UNC79: variants seen among roughly 807,000 people sequenced by gnomAD.
UNC79 encodes the protein unc-79 subunit of NALCN channel complex.
Under a neutral mutation model 283.1 loss-of-function variants are expected in UNC79, and 37 were observed. The observed-to-expected ratio is 0.13, with a 90% CI of 0.10 to 0.17. UNC79 has a LOEUF of 0.17. Among genes scored for constraint, UNC79 ranks in the 10% least tolerant of loss-of-function variants. The probability of loss-of-function intolerance (pLI) is 1.00; values close to 1 mark genes in which losing one functional copy is unlikely to be tolerated. For synonymous variants in UNC79, 1,107 were observed against 1,200.2 expected, an observed-to-expected ratio of 0.92 and a Z score of 1.61; for missense variants, 2,272 against 3,211.1, an observed-to-expected ratio of 0.71 and a Z score of 7.07.
chr14:93,415,580 G>A (rs1595448032), intron 1 of UNC79, among the ~76,000 whole-genome samples: 1 of 152,010 alleles, frequency 6.6e-6, no homozygotes, highest in Non-Finnish European at 1.5e-5. Context: ...GATTGGAATA[G>A]TTTCAGAAGG....
At chr14:93,614,650 A>AAG (rs1231244477) in intron 27 of UNC79, among the ~76,000 whole-genome samples, 1 of 152,004 alleles carries the variant, frequency 6.6e-6, no homozygotes, top group African/African-American at 2.4e-5. Flanking sequence ...AAAAAAAAAA[A>AAG]AAATCCTCTT....
At chr14:93,529,592 A>G (rs1484041046) in intron 10 of UNC79, among the ~76,000 whole-genome samples, 1 of 152,224 alleles carries the variant, frequency 6.6e-6, no homozygotes, top group Non-Finnish European at 1.5e-5. Flanking sequence ...CTGCCAAATT[A>G]TGTCTTCAGG....
At chr14:93,508,600 C>A (rs2059664328) in intron 7 of UNC79, among the ~76,000 whole-genome samples, 1 of 151,914 alleles carries the variant, frequency 6.6e-6, no homozygotes, top group African/African-American at 2.4e-5. Flanking sequence ...TCTTACATTT[C>A]TTTTGTTAAA....
At chr14:93,465,031 G>C (rs995663352) in intron 1 of UNC79, among the ~76,000 whole-genome samples, 2 of 152,120 alleles carry the variant, frequency 1.3e-5, no homozygotes, top group African/African-American at 4.8e-5. Context: ...AAATTGGCTT[G>C]AACATTTTTT....
intron 9 of UNC79, 121 bp from the exon 10 acceptor site, chr14:93,529,165 C>T: frequency 1.1e-6 from 1 of 898,840 alleles, no homozygotes. Flanking sequence ...TATGATAGTG[C>T]TCTTAATTAT....
chr14:93,446,704 T>C (rs976956914), intron 1 of UNC79, among the ~76,000 whole-genome samples: 1 of 152,138 alleles, frequency 6.6e-6, no homozygotes, highest in Non-Finnish European at 1.5e-5. Context: ...TAGAAGTGTG[T>C]TGTTTAATTT....
chr14:93,488,129 T>C (rs1195953997), intron 5 of UNC79, among the ~76,000 whole-genome samples: 1 of 152,214 alleles, frequency 6.6e-6, no homozygotes, highest in African/African-American at 2.4e-5. Flanking sequence ...CATAAACCTT[T>C]CACTATATTT....
At chr14:93,535,870 A>G (rs2061045943) in intron 11 of UNC79, among the ~76,000 whole-genome samples, 1 of 152,192 alleles carries the variant, frequency 6.6e-6, no homozygotes, top group South Asian at 2.1e-4. Context: ...AGCAGTTGCA[A>G]GCCCATCCAG....
At chr14:93,639,990 G>A (rs2068873576) in intron 32 of UNC79, among the ~76,000 whole-genome samples, 1 of 152,150 alleles carries the variant, frequency 6.6e-6, no homozygotes. Flanking sequence ...ATGACTCTTG[G>A]ATTTTTCTGC....
In UNC79 at chr14:93,597,340, C is replaced by G. The variant is rs986896006; in HGVS notation, c.3191-19C>G. The G allele has an allele frequency of 2.8e-5, 45 of 1,611,954 alleles. No homozygotes were observed. Among genetic ancestry groups the G allele is most frequent in the Non-Finnish European group, 3.7e-5 (44 of 1,178,874 alleles). On this transcript the variant is annotated intron_variant, in intron 23 of 48. Coordinates refer to ENST00000555664, the Ensembl canonical transcript of UNC79. ...GTGTGTGTGTATTTACGTATTTTGC[C>G]TTCTCTTTTACATTGCAGTGGAAAA...
chr14:93,655,271 C>G, exon 38 of UNC79: 2 of 1,614,064 alleles, frequency 1.2e-6, no homozygotes, highest in Non-Finnish European at 8.5e-7. Context: ...GCAGGGGGTG[C>G]TATGATTCGC....
chr14:93,343,778 G>GAGC (rs1248729356), intron 1 of UNC79, among the ~76,000 whole-genome samples: 1,951 of 152,216 alleles, frequency 0.013, 48 homozygotes, highest in African/African-American at 0.045. Context: ...CTCATTCATT[G>GAGC]TGTACATACA....
chr14:93,477,477 A>G (rs2057869255), intron 3 of UNC79, 81 bp from the exon 4 acceptor site: 2 of 1,231,432 alleles, frequency 1.6e-6, no homozygotes, highest in South Asian at 1.6e-5. Flanking sequence ...AAACCAGTTC[A>G]TTAAAGCTTA....
At chr14:93,523,874 A>G (rs2060431835) in intron 7 of UNC79, 104 bp from the exon 8 acceptor site, 1 of 1,198,162 alleles carries the variant, frequency 8.3e-7, no homozygotes. Flanking sequence ...AAGCTTTCTG[A>G]TGATGGTTCT....
At chr14:93,665,669 C>G (rs1349590417) in intron 40 of UNC79, among the ~76,000 whole-genome samples, 1 of 151,398 alleles carries the variant, frequency 6.6e-6, no homozygotes, top group Non-Finnish European at 1.5e-5. Flanking sequence ...ACTCTGAAGA[C>G]AGACAATACA....
intron 1 of UNC79, among the ~76,000 whole-genome samples, chr14:93,443,746 C>T (rs1370106186): frequency 6.6e-6 from 1 of 152,058 alleles, no homozygotes; most frequent in Non-Finnish European, 1.5e-5. Flanking sequence ...TTTTATTTAT[C>T]ATAATGTTTT....
chr14:93,393,375 C>T (rs576202135), intron 1 of UNC79, among the ~76,000 whole-genome samples: 3 of 152,068 alleles, frequency 2.0e-5, no homozygotes, highest in Non-Finnish European at 2.9e-5. Flanking sequence ...GAAGCTGGTC[C>T]TTATATTTGA....
At chr14:93,451,735 C>G (rs986863297) in intron 1 of UNC79, among the ~76,000 whole-genome samples, 30 of 152,292 alleles carry the variant, frequency 2.0e-4, no homozygotes, top group African/African-American at 7.0e-4. Flanking sequence ...TGTTCCAAAG[C>G]TATCTGTTGC....
At chr14:93,604,447 TTAAG>T (rs1453687154) in intron 26 of UNC79, among the ~76,000 whole-genome samples, 1 of 152,196 alleles carries the variant, frequency 6.6e-6, no homozygotes, top group African/African-American at 2.4e-5. Context: ...TGAAAGTTCT[TTAAG>T]TAATCAATAA....
Sources: gnomAD v4.1 joint callset for allele counts (sites outside exome capture counted in the v4.1 genomes callset) on GRCh38, gnomAD v4.1.1 for gene constraint, MANE v1.5 for transcripts, NCBI Gene and HGNC (gene_info 2026-07-23, HGNC 2026-07-21) for gene names.